The following DNAH10 variants were observed in gnomAD, a reference collection of about 807,000 sequenced individuals.
DNAH10 encodes the protein axonemal beta dynein heavy chain 10.
DNAH10 carries 348 observed loss-of-function variants against 506.6 expected under a neutral mutation model. That is an observed-to-expected ratio of 0.69 (90% confidence interval 0.63 to 0.75). The LOEUF is 0.75. Ranked by LOEUF, DNAH10 falls within the 30% of genes least tolerant of loss-of-function variation. The probability of loss-of-function intolerance (pLI) is 0.00; values close to 1 mark genes in which losing one functional copy is unlikely to be tolerated. For missense variants in DNAH10, 5,179 were observed against 5,787.1 expected (o/e 0.89, Z 3.41); for synonymous variants, 2,059 against 2,198.6 (o/e 0.94, Z 1.78).
chr12:123,875,544 A>G, intron 47 of DNAH10, 53 bp downstream of exon 47: 1 of 1,604,754 alleles, frequency 6.2e-7, no homozygotes, highest in Non-Finnish European at 8.5e-7. Flanking sequence ...GTTGGGGGGA[A>G]ACATACACAG....
rs1169087457 is a variant in DNAH10, at chr12:123,931,977, G to T, written c.13165G>T (p.Asp4389Tyr). 1.2e-6 allele frequency: 2 copies of T among 1,613,956 alleles called. No homozygotes were observed. ...AGEVGMSNELDDVARSLFIGH... is the reference protein window; with the variant it reads ...AGEVGMSNELYDVARSLFIGH... Reference sequence around the variant, plus strand: ...AGAAGTTGGAATGAGCAATGAGTTAGATGATGTGGCCAGGTCTCTTTTTAT... The same window carrying T: ...AGAAGTTGGAATGAGCAATGAGTTATATGATGTGGCCAGGTCTCTTTTTAT... The change falls in exon 76 of 79, where the codon GAT becomes TAT. Residue 4389 changes from aspartate (D) to tyrosine (Y), a missense_variant. Coordinates refer to ENST00000673944, the MANE Select transcript of DNAH10 (RefSeq NM_001372106.1).
chr12:123,811,327 T>C (rs1006086868), intron 19 of DNAH10, among the ~76,000 whole-genome samples: 3 of 124,680 alleles, frequency 2.4e-5, no homozygotes, highest in African/African-American at 3.5e-5. Flanking sequence ...TTAGTATTAC[T>C]TTTTTTTTTT....
At chr12:123,863,228 C>T (rs1431614809) in intron 39 of DNAH10, among the ~76,000 whole-genome samples, 2 of 152,092 alleles carry the variant, frequency 1.3e-5, no homozygotes, top group African/African-American at 4.8e-5. Flanking sequence ...GAGATGTCAC[C>T]CATTATAGCC....
At position 123,931,655 on chromosome 12, in the gene DNAH10, C is replaced by T. The variant is rs766974205; in HGVS notation, c.12936C>T (p.Ile4312=). The change falls in exon 75 of 79, where the codon ATC becomes ATT. Residue 4312 remains isoleucine (I), a synonymous_variant. Transcript: ENST00000673944. ...TTTTAGGGGAATCCAGCAGTGGTATCAGCCGCGATGATTATATTGGCCAAG... is the reference window on the plus strand; with the variant it reads ...TTTTAGGGGAATCCAGCAGTGGTATTAGCCGCGATGATTATATTGGCCAAG... ...QPQTGESSSG[I]SRDDYIGQVA... The T allele has an allele frequency of 3.3e-5, 53 of 1,613,982 alleles. 3 individuals carry two copies. In the South Asian group the frequency reaches 5.3e-4, roughly 16 times the overall value.
At chr12:123,854,738 A>T (rs1000128349) in intron 36 of DNAH10, among the ~76,000 whole-genome samples, 1 of 152,220 alleles carries the variant, frequency 6.6e-6, no homozygotes, top group Non-Finnish European at 1.5e-5. Context: ...GGGCTTCTTT[A>T]TCACATTAAA....
rs760477112 is a variant in DNAH10, at chr12:123,873,692, T to A, written c.7920T>A (p.Asp2640Glu). 17 of 1,610,904 alleles carry A rather than the reference T, an allele frequency of 1.1e-5. No individual in the cohort carries two copies. The highest frequency in any genetic ancestry group is 1.3e-5 in the African/African-American group (1 of 74,842). The change falls in exon 46 of 79, where the codon GAT becomes GAA. Residue 2640 changes from aspartate to glutamate, a missense_variant. Physicochemically the swap from Asp to Glu is conservative, Grantham distance 45. This residue lies in a region of DNAH10 where 4,844 missense variants were observed against 5,430.5 expected (regional missense o/e 0.89). Transcript: ENST00000673944. ...PMGKRLLVFM[D>E]DMNMPRVDEY... ...GAAAACGCCTGCTGGTGTTCATGGATGACATGAATATGCCAAGGGTAGTTT... is the reference window on the plus strand; with the variant it reads ...GAAAACGCCTGCTGGTGTTCATGGAAGACATGAATATGCCAAGGGTAGTTT...
intron 59 of DNAH10, among the ~76,000 whole-genome samples, chr12:123,911,191 A>G (rs1243043349): frequency 7.3e-6 from 1 of 136,834 alleles, no homozygotes; most frequent in African/African-American, 2.8e-5. Flanking sequence ...AAAATGACGT[A>G]AAGATGTTTA....
At chr12:123,826,258 T>G (rs1027836770) in intron 24 of DNAH10, among the ~76,000 whole-genome samples, 4 of 152,242 alleles carry the variant, frequency 2.6e-5, no homozygotes, top group Admixed American at 6.5e-5. Context: ...GTAAACAGAT[T>G]CTTGGATTAG....
intron 10 of DNAH10, among the ~76,000 whole-genome samples, chr12:123,789,215 A>G (rs1411025385): frequency 6.6e-6 from 1 of 152,088 alleles, no homozygotes; most frequent in Non-Finnish European, 1.5e-5. Context: ...ACTGCACTCC[A>G]GCCTGGGTGA....
Position 123,771,641 on chromosome 12 carries a change from T to G in DNAH10, c.339T>G (p.Pro113=). 2 of 1,613,732 alleles carry G rather than the reference T, an allele frequency of 1.2e-6. No homozygotes were observed. Among genetic ancestry groups the G allele is most frequent in the Non-Finnish European group, 1.7e-6 (2 of 1,179,804 alleles). ...VSLRTESLGQ[P]LNREDEEMDK... is the part of the protein sequence containing the mutation. ...TGAGAACCGAATCTCTAGGCCAACC[T>G]CTAAACAGAGAGGATGAAGAAATGG... Residue 113 remains proline, a synonymous_variant, in exon 3 of 79, where the codon CCT becomes CCG. Transcript: ENST00000673944.
Position 123,794,075 on chromosome 12 carries a change from T to C in DNAH10, c.1949T>C (p.Met650Thr), listed in dbSNP as rs1958186227. Reference protein sequence around the residue: ...SREAVNRQMMMKFNDILAQYC... With the variant: ...SREAVNRQMMTKFNDILAQYC... Reference sequence around the variant, plus strand: ...GAGGCTGTTAATCGACAAATGATGATGAAATTTAATGATATTCTTGCACAG... The same window carrying C: ...GAGGCTGTTAATCGACAAATGATGACGAAATTTAATGATATTCTTGCACAG... Residue 650 changes from methionine to threonine, a missense_variant, in exon 12 of 79, where the codon ATG becomes ACG. By Grantham distance (81) the Met-to-Thr change is moderately conservative. Transcript: ENST00000673944. 3 of 1,281,764 alleles carry C rather than the reference T, an allele frequency of 2.3e-6. No individual in the cohort carries two copies. Among genetic ancestry groups the C allele is most frequent in the Admixed American group, 2.4e-5 (1 of 42,520 alleles). 79.4% of individuals were successfully genotyped at this position (1,281,764 alleles called of 1,614,324 possible).
At chr12:123,915,527 C>T (rs899698823) in intron 62 of DNAH10, among the ~76,000 whole-genome samples, 1 of 148,996 alleles carries the variant, frequency 6.7e-6, no homozygotes, top group Non-Finnish European at 1.5e-5. Flanking sequence ...TCCAGTCCTT[C>T]CGTTTCTCCC....
At chr12:123,915,127 C>T in intron 62 of DNAH10, 128 bp downstream of exon 62, 1 of 1,303,014 alleles carries the variant, frequency 7.7e-7, no homozygotes, top group African/African-American at 1.5e-5. Flanking sequence ...CCATCCTGAC[C>T]CCCATGCGGA....
At chr12:123,820,932 G>T (rs564067783) in intron 24 of DNAH10, among the ~76,000 whole-genome samples, 174 bp downstream of exon 24, 1 of 152,316 alleles carries the variant, frequency 6.6e-6, no homozygotes, top group Admixed American at 6.5e-5. Context: ...TGGGTACAGG[G>T]TTTCCATTTG....
At chr12:123,871,671 A>G in intron 45 of DNAH10, 69 bp downstream of exon 45, 10 of 1,494,080 alleles carry the variant, frequency 6.7e-6, no homozygotes, top group African/African-American at 1.4e-5. Context: ...GCAGCTTCAT[A>G]CCACAAGCAC....
At chr12:123,886,844 A>G (rs917809757) in intron 51 of DNAH10, among the ~76,000 whole-genome samples, 1 of 152,118 alleles carries the variant, frequency 6.6e-6, no homozygotes, top group Non-Finnish European at 1.5e-5. Flanking sequence ...GTGCCTGCTT[A>G]TTTCTCCCTG....
intron 5 of DNAH10, 124 bp downstream of exon 5, chr12:123,774,388 T>C (rs1161699429): frequency 3.0e-6 from 2 of 675,250 alleles, no homozygotes; most frequent in Non-Finnish European, 4.8e-6. Flanking sequence ...ACTGAGGTGC[T>C]GAGACCAGCT....
chr12:123,881,789 GGCTGCCTTCACAGCCAGCTGT>G lies in DNAH10; in HGVS notation c.8801_8821del (p.Ala2934_Cys2940del). On this transcript the variant is annotated inframe_deletion, in exon 51 of 79. Coordinates refer to ENST00000673944, the MANE Select transcript of DNAH10 (RefSeq NM_001372106.1). The stretch of plus-strand genomic sequence containing the variant: ...CAGGGAAGCAGTCTCTTTCGAGGCT[GGCTGCCTTCACAGCCAGCTGT>G]GAGGTCAGTCCACGTACCCTCCCAG... 6.6e-7 allele frequency: 1 copy of G among 1,515,668 alleles called. No homozygotes were observed. The allele number at this position is 1,515,668 out of a possible 1,614,324, so 93.9% of individuals were successfully genotyped here.
chr12:123,819,592 C>T (rs537544296), intron 23 of DNAH10, among the ~76,000 whole-genome samples: 1 of 152,162 alleles, frequency 6.6e-6, no homozygotes, highest in African/African-American at 2.4e-5. Context: ...ATCCATCCAT[C>T]TGCCTCTCTA....
Sources: gnomAD v4.1 joint callset for allele counts (sites outside exome capture counted in the v4.1 genomes callset) on GRCh38, gnomAD v4.1.1 for gene constraint, gnomAD v4.1.1 regional missense constraint, MANE v1.5 for transcripts, NCBI Gene and HGNC (gene_info 2026-07-23, HGNC 2026-07-21) for gene names.